Variants in UBN1 observed in about 807,000 individuals in gnomAD.
The protein encoded by UBN1 is ubinuclein-1.
In UBN1, 17 loss-of-function variants were observed where a neutral mutation model predicts 108.5. The observed-to-expected ratio is 0.16, with a 90% CI of 0.11 to 0.24. The LOEUF (loss-of-function observed/expected upper bound fraction) is 0.24, where lower values mean the gene tolerates loss of function less well. Among genes scored for constraint, UBN1 ranks in the 10% least tolerant of loss-of-function variants. The pLI is 1.00. For synonymous variants in UBN1, 726 were observed against 564.2 expected, an observed-to-expected ratio of 1.29 and a Z score of -4.07; for missense variants, 1,595 against 1,394.4, an observed-to-expected ratio of 1.14 and a Z score of -2.29.
At position 4,859,957 on chromosome 16, in the gene UBN1, T is replaced by C; in HGVS notation, c.660T>C (p.Phe220=). 1.2e-6 allele frequency: 2 copies of C among 1,614,130 alleles called. No homozygotes were observed. The highest frequency in any genetic ancestry group is 1.7e-6 in the Non-Finnish European group (2 of 1,179,978). The part of the protein sequence containing the change: ...DKEKKSKKSK[F]SKAGFTALNA... ...AGAAGAAATCGAAAAAGTCCAAGTT[T>C]TCCAAAGCCGGGTGAGAGGCAGCAG... The change falls in exon 6 of 18, where the codon TTT becomes TTC. Residue 220 remains phenylalanine, a synonymous_variant. Transcript: ENST00000262376.
intron 2 of UBN1, among the ~76,000 whole-genome samples, chr16:4,856,452 A>G (rs956662229): frequency 1.1e-4 from 17 of 152,242 alleles, no homozygotes; most frequent in African/African-American, 3.4e-4. Context: ...TCAGAGGACT[A>G]TAGAAAGTTA....
chr16:4,857,789 C>G (rs1373115634), intron 2 of UBN1, among the ~76,000 whole-genome samples: 1 of 152,178 alleles, frequency 6.6e-6, no homozygotes, highest in Non-Finnish European at 1.5e-5. Flanking sequence ...GGCATTCAAT[C>G]AAGTTTTATT....
chr16:4,860,186 CTG>C (rs1357792762), intron 6 of UBN1, among the ~76,000 whole-genome samples: 1 of 152,198 alleles, frequency 6.6e-6, no homozygotes, highest in African/African-American at 2.4e-5. Flanking sequence ...ATTGTTGTCA[CTG>C]TGTGACTGCT....
intron 8 of UBN1, 120 bp from the exon 9 acceptor site, chr16:4,870,092 A>T: frequency 1.4e-6 from 2 of 1,451,440 alleles, no homozygotes; most frequent in East Asian, 4.6e-5. Context: ...ACATTGTGTG[A>T]CCAACAAGAC....
At position 4,850,232 on chromosome 16, in the gene UBN1, C is replaced by T. The variant is rs146485200; in HGVS notation, c.-40+2022C>T. ...GTGGTAATAGAGTACAGATTTGACT[C>T]ACTTTATCCTGTAGTCCTATTTTTT... is the stretch of plus-strand genomic sequence containing the variant. On this transcript the variant is annotated intron_variant, in intron 1 of 17. Transcript: ENST00000262376. Among the ~76,000 whole-genome samples, 828 of 152,278 alleles carry T rather than the reference C, an allele frequency of 5.4e-3. 7 individuals are homozygous for T. Among genetic ancestry groups the T allele is most frequent in the African/African-American group, 0.019 (797 of 41,548 alleles).
chr16:4,875,255 C>T lies in UBN1; in HGVS notation c.2845C>T (p.Pro949Ser), dbSNP rs761376418. Residue 949 changes from proline to serine, a missense_variant, in exon 15 of 18, where the codon CCC becomes TCC. Transcript: ENST00000262376. ...CTCCGTGGGACAGGCCACCAGCCGA[C>T]CCGTCCCAAGTTCAGCAGGGAAAAA... ...PPSVGQATSR[P>S]VPSSAGKKMP... 29 of 1,614,128 alleles carry T rather than the reference C, an allele frequency of 1.8e-5. No homozygotes were observed. In the Admixed American group the frequency reaches 4.5e-4, roughly 25 times the overall value.
rs1185872837 is a variant in UBN1, at chr16:4,859,076, A to G, written c.484A>G (p.Ile162Val). ...GACTACGAAGTATGGAGGATTTTAC[A>G]TTAACTCGGGAACCCTGCAGTTTAG... ...SLTTKYGGFY[I>V]NSGTLQFRQA... The change falls in exon 5 of 18, where the codon ATT (isoleucine) becomes GTT (valine). Residue 162 changes from isoleucine to valine, a missense_variant. Ile to Val is a conservative substitution (Grantham distance 29, BLOSUM62 3). Around this residue, in one of 3 missense-constraint regions of UBN1, gnomAD observed 1,398 missense variants for 1,194.7 expected, o/e 1.17. Transcript: ENST00000262376. 4 of 1,614,132 alleles carry G rather than the reference A, an allele frequency of 2.5e-6. No individual in the cohort carries two copies. The highest frequency in any genetic ancestry group is 2.2e-5 in the East Asian group (1 of 44,898).
chr16:4,879,268 A>G (rs11076854), intron 17 of UBN1, among the ~76,000 whole-genome samples: 67,663 of 152,054 alleles, frequency 0.44, 17,797 homozygotes, highest in East Asian at 0.65. Context: ...ACCCCATAAA[A>G]TATGTGTCAT....
At chr16:4,869,528 G>A (rs2087506913) in intron 8 of UBN1, among the ~76,000 whole-genome samples, 3 of 152,252 alleles carry the variant, frequency 2.0e-5, no homozygotes. Flanking sequence ...GGCAGGGGAA[G>A]CTTGTTGCTC....
At chr16:4,875,509 G>T (rs950195858) in intron 15 of UBN1, 75 bp downstream of exon 15, 1 of 1,528,350 alleles carries the variant, frequency 6.5e-7, no homozygotes, top group African/African-American at 1.4e-5. Flanking sequence ...GCCTTGCCCC[G>T]GGTGGAGAGT....
chr16:4,853,651 G>C (rs1040414628), intron 2 of UBN1, among the ~76,000 whole-genome samples: 5 of 150,312 alleles, frequency 3.3e-5, no homozygotes, highest in Non-Finnish European at 7.4e-5. Flanking sequence ...TCCGCCTCCC[G>C]AGTTCAAGTG....
chr16:4,847,605 G>C lies in UBN1; in HGVS notation c.-645G>C. ...GGCCTCGCGGCTCGCCCCGCCCCCG[G>C]GTCTTGGACTCCGCGCCCCTCCCCT... On this transcript the variant is annotated 5_prime_UTR_variant, in exon 1 of 18. Transcript: ENST00000262376. 3.0e-6 allele frequency: 1 copy of C among 328,060 alleles called. No homozygotes were observed. The highest frequency in any genetic ancestry group is 4.1e-5 in the South Asian group (1 of 24,318). The allele number at this position is 328,060 out of a possible 1,614,324, so 20.3% of individuals were successfully genotyped here.
chr16:4,874,988 G>A lies in UBN1; in HGVS notation c.2578G>A (p.Ala860Thr), dbSNP rs1303227262. The A allele has an allele frequency of 6.2e-7, 1 of 1,613,928 alleles. No individual in the cohort carries two copies. The highest frequency in any genetic ancestry group is 8.5e-7 in the Non-Finnish European group (1 of 1,180,056). ...CCAGGGCTTCCATCCCTCTGCACCA[G>A]CCACCTCAGGAGGCCTGTCAGCCTC... ...KGQGFHPSAPATSGGLSASSS... is the reference protein window; with the variant it reads ...KGQGFHPSAPTTSGGLSASSS... Residue 860 changes from alanine to threonine, a missense_variant, in exon 15 of 18, where the codon GCC becomes ACC. By Grantham distance (58) the Ala-to-Thr change is moderately conservative (BLOSUM62 0). Coordinates refer to ENST00000262376, the MANE Select transcript of UBN1 (RefSeq NM_001079514.3).
chr16:4,874,838 G>T lies in UBN1; in HGVS notation c.2428G>T (p.Gly810Cys), dbSNP rs141714802. ...PGPQVKVFHA[G>C]TQQQKNFTPP... ...CCCCCAGGTCAAAGTCTTTCATGCC[G>T]GCACTCAGCAGCAGAAAAACTTCAC... The change falls in exon 15 of 18, where the codon GGC (glycine) becomes TGC (cysteine). Residue 810 changes from glycine (G) to cysteine (C), a missense_variant. By Grantham distance (159) the Gly-to-Cys change is radical (BLOSUM62 -3). Coordinates refer to ENST00000262376, the MANE Select transcript of UBN1 (RefSeq NM_001079514.3). 6.2e-7 allele frequency: 1 copy of T among 1,613,854 alleles called. No homozygotes were observed. The highest frequency in any genetic ancestry group is 1.7e-5 in the Admixed American group (1 of 60,000).
intron 2 of UBN1, among the ~76,000 whole-genome samples, chr16:4,857,615 G>T (rs72633273): frequency 0.14 from 21,387 of 151,994 alleles, 1,707 homozygotes; most frequent in East Asian, 0.23. Flanking sequence ...GGAAGTCAAT[G>T]GACTCTTTCT....
intron 7 of UBN1, among the ~76,000 whole-genome samples, chr16:4,867,674 C>T (rs1216728028): frequency 1.3e-5 from 2 of 151,936 alleles, no homozygotes; most frequent in Admixed American, 6.6e-5. Context: ...TCCTGGGGTC[C>T]GCCTATGGAA....
At chr16:4,869,134 A>G (rs2087481337) in intron 8 of UBN1, among the ~76,000 whole-genome samples, 2 of 152,230 alleles carry the variant, frequency 1.3e-5, no homozygotes, top group Admixed American at 1.3e-4. Flanking sequence ...CCTTGATCTT[A>G]GGCAGCAGGC....
At chr16:4,869,773 G>A (rs1222389118) in intron 8 of UBN1, among the ~76,000 whole-genome samples, 1 of 152,178 alleles carries the variant, frequency 6.6e-6, no homozygotes, top group African/African-American at 2.4e-5. Context: ...TTATCTAGAT[G>A]GAGAAACTGG....
intron 15 of UBN1, among the ~76,000 whole-genome samples, chr16:4,875,698 C>T (rs758163072): frequency 4.6e-5 from 7 of 152,196 alleles, no homozygotes; most frequent in East Asian, 1.9e-4. Context: ...CATGCCTCTT[C>T]GGAGGCTGTC....
Sources: allele counts gnomAD v4.1 joint callset (sites outside exome capture counted in the v4.1 genomes callset), GRCh38; gene constraint gnomAD v4.1.1; regional missense constraint gnomAD v4.1.1; transcripts MANE v1.5; gene names NCBI Gene and HGNC (gene_info 2026-07-23, HGNC 2026-07-21).